The following CEMIP2 variants were observed in gnomAD, a reference collection of about 807,000 sequenced individuals.
CEMIP2 encodes cell migration inducing hyaluronidase 2, also known as cell surface hyaluronidase CEMIP2.
In CEMIP2, 79 loss-of-function variants were observed where a neutral mutation model predicts 146.9. The ratio of observed to expected loss-of-function variants is 0.54; its 90% CI spans 0.45 to 0.65. CEMIP2 has a LOEUF of 0.65. CEMIP2 is among the 30% of genes least tolerant of loss of function. CEMIP2 has a pLI of 0.00. For synonymous variants in CEMIP2, 601 were observed against 606.3 expected (o/e 0.99, Z 0.13); for missense variants, 1,596 against 1,696.2 (o/e 0.94, Z 1.04).
chr9:71,767,719 C>G (rs1824838960), intron 1 of CEMIP2, among the ~76,000 whole-genome samples: 1 of 152,202 alleles, frequency 6.6e-6, no homozygotes. Context: ...CAGAGAAAAG[C>G]TGGGAATAGG....
chr9:71,702,966 A>C (rs1822616551), intron 18 of CEMIP2, among the ~76,000 whole-genome samples: 1 of 152,238 alleles, frequency 6.6e-6, no homozygotes, highest in Admixed American at 6.5e-5. Flanking sequence ...TATAACTTAT[A>C]GAGTACTGAT....
intron 20 of CEMIP2, among the ~76,000 whole-genome samples, chr9:71,695,872 T>C (rs955837063): frequency 4.6e-5 from 7 of 151,998 alleles, no homozygotes; most frequent in Non-Finnish European, 8.8e-5. Context: ...TCCCAACAAT[T>C]TGGGAGGCCA....
rs1034522329 is a variant in CEMIP2 at position 71,746,485 on chromosome 9, G to A, written c.332-144C>T. 44 of 898,790 alleles carry A rather than the reference G, an allele frequency of 4.9e-5. 1 individual carries two copies. Among genetic ancestry groups the A allele is most frequent in the South Asian group, 1.2e-4 (7 of 57,150 alleles). The allele number at this position is 898,790 out of a possible 1,614,324, so 55.7% of individuals were successfully genotyped here. Reference sequence around the variant, plus strand: ...CCTGCCATTAGAATGGAAATCCCACGCCTTCCCACCAGCAGAGAACCATCT... The same window carrying A: ...CCTGCCATTAGAATGGAAATCCCACACCTTCCCACCAGCAGAGAACCATCT... On this transcript the variant is annotated intron_variant, in intron 2 of 23. Coordinates refer to ENST00000377044, the MANE Select transcript of CEMIP2 (RefSeq NM_013390.3).
intron 21 of CEMIP2, among the ~76,000 whole-genome samples, chr9:71,691,283 G>T (rs745573466): frequency 2.0e-5 from 3 of 150,000 alleles, no homozygotes; most frequent in Non-Finnish European, 4.4e-5. Flanking sequence ...CACCGGGCGT[G>T]GTGGTGCATG....
At position 71,750,139 on chromosome 9, in the gene CEMIP2, G is replaced by T. The variant is rs371382907; in HGVS notation, c.235C>A (p.His79Asn). The T allele has an allele frequency of 1.1e-5, 17 of 1,613,688 alleles. No individual in the cohort carries two copies. Among genetic ancestry groups the T allele is most frequent in the Non-Finnish European group, 1.4e-5 (17 of 1,179,958 alleles). Reference sequence around the variant, plus strand: ...GCAAAACAAATGAAAGTATTTTTGTGTCTCTTTTGCTTTTGACTTTCTCTC... The same window carrying T: ...GCAAAACAAATGAAAGTATTTTTGTTTCTCTTTTGCTTTTGACTTTCTCTC... ...AQRESQKQKR[H>N]KNTFICFAIT... is the part of the protein sequence containing the mutation. The change falls in exon 2 of 24, where the codon CAC (histidine) becomes AAC (asparagine). Residue 79 changes from histidine (H) to asparagine (N), a missense_variant. Coordinates refer to ENST00000377044, the MANE Select transcript of CEMIP2 (RefSeq NM_013390.3).
In CEMIP2 at chr9:71,712,259, T is replaced by G. The variant is rs1438875590; in HGVS notation, c.2593A>C (p.Thr865Pro). Residue 865 changes from threonine (T) to proline (P), a missense_variant and splice_region_variant, in exon 16 of 24, where the codon ACG (threonine) becomes CCG (proline). Physicochemically the swap from Thr to Pro is conservative, Grantham distance 38. Coordinates refer to ENST00000377044, the MANE Select transcript of CEMIP2 (RefSeq NM_013390.3). ...QKPRTLPRNR[T>P]FPIRGFQIYD... ...ATCTGAAAGCCTCTAATTGGGAACGTCCTGTGGAAATACAAGATTTTGTTT... is the reference window on the plus strand; with the variant it reads ...ATCTGAAAGCCTCTAATTGGGAACGGCCTGTGGAAATACAAGATTTTGTTT... The G allele has an allele frequency of 6.2e-7, 1 of 1,613,522 alleles. No homozygotes were observed.
chr9:71,707,733 G>A (rs1032392398), intron 17 of CEMIP2, among the ~76,000 whole-genome samples: 1 of 152,192 alleles, frequency 6.6e-6, no homozygotes, highest in African/African-American at 2.4e-5. Flanking sequence ...AAGAGCCCAT[G>A]CTACGAAAAG....
intron 1 of CEMIP2, among the ~76,000 whole-genome samples, chr9:71,762,503 C>CAAAGA (rs1824664658): frequency 1.3e-5 from 1 of 79,734 alleles, no homozygotes; most frequent in South Asian, 3.9e-4. Context: ...GCCCCGTCAC[C>CAAAGA]AAAAAAAAAA....
At position 71,734,812 on chromosome 9, in the gene CEMIP2, CT is replaced by C; in HGVS notation, c.1386del (p.Val463SerfsTer14). ...ACTCTAAGCAGTTTAATACCTTTGA[CT>C]TTGACCTGAAAATGGCTGCATTCAG... ...PCSECSHFQVKVKETPQFLHM... is the reference protein window; with the variant it reads ...PCSECSHFQVXVKETPQFLHM... On this transcript the variant is annotated frameshift_variant, in exon 6 of 24. Transcript: ENST00000377044. LOFTEE classifies it high-confidence loss of function. 1.9e-6 allele frequency: 3 copies of C among 1,606,290 alleles called. No homozygotes were observed. In the Admixed American group the frequency reaches 5.1e-5, roughly 27 times the overall value.
intron 12 of CEMIP2, 23 bp downstream of exon 12, chr9:71,722,404 T>C (rs752610891): frequency 1.9e-6 from 3 of 1,591,960 alleles, no homozygotes; most frequent in Non-Finnish European, 8.6e-7. Context: ...AGCTTGAGTG[T>C]GACTTAAAAG....
intron 16 of CEMIP2, 60 bp from the exon 17 acceptor site, chr9:71,709,534 C>G: frequency 1.4e-6 from 2 of 1,387,210 alleles, no homozygotes; most frequent in Non-Finnish European, 2.0e-6. Context: ...CTCAGCATCC[C>G]CTGCAATGAC....
intron 3 of CEMIP2, 46 bp downstream of exon 3, chr9:71,746,155 T>A: frequency 6.3e-7 from 1 of 1,591,194 alleles, no homozygotes; most frequent in East Asian, 2.3e-5. Flanking sequence ...ATCCCCCACA[T>A]TAAAGAGCAA....
At chr9:71,700,194 A>G (rs1651990719) in intron 19 of CEMIP2, among the ~76,000 whole-genome samples, 1 of 152,224 alleles carries the variant, frequency 6.6e-6, no homozygotes, top group African/African-American at 2.4e-5. Context: ...GATGCAGCCT[A>G]GAGAAAGTTG....
intron 16 of CEMIP2, among the ~76,000 whole-genome samples, chr9:71,711,521 G>A (rs1270686915): frequency 6.6e-6 from 1 of 151,984 alleles, no homozygotes; most frequent in African/African-American, 2.4e-5. Flanking sequence ...TGAAGCTGCA[G>A]TGAGCCATGA....
chr9:71,691,361 T>C (rs1235278061), intron 21 of CEMIP2, among the ~76,000 whole-genome samples: 1 of 147,510 alleles, frequency 6.8e-6, no homozygotes, highest in Non-Finnish European at 1.5e-5. Context: ...GAGGCTGCAG[T>C]GAGCGGAGAT....
At chr9:71,715,773 C>T in intron 14 of CEMIP2, among the ~76,000 whole-genome samples, 1 of 151,174 alleles carries the variant, frequency 6.6e-6, no homozygotes, top group South Asian at 2.1e-4. Flanking sequence ...AGGCATGCCA[C>T]TATGCCTGGT....
chr9:71,746,292 TTG>T lies in CEMIP2; in HGVS notation c.379_380del (p.Gln127ArgfsTer39), dbSNP rs753713037. 27 of 1,614,008 alleles carry T rather than the reference TTG, an allele frequency of 1.7e-5. No homozygotes were observed. Among genetic ancestry groups the T allele is most frequent in the Non-Finnish European group, 2.2e-5 (26 of 1,179,894 alleles). ...TGATAACAACTTGCTTTGCAGAATC[TTG>T]TCCTGGATCCCAATTCCTGAGACGA... ...NPRLRNWDPG[Q>X]DSAKQVVIKE... On this transcript the variant is annotated frameshift_variant, in exon 3 of 24. Coordinates refer to ENST00000377044, the MANE Select transcript of CEMIP2 (RefSeq NM_013390.3). LOFTEE classifies it high-confidence loss of function.
chr9:71,760,914 T>G, intron 1 of CEMIP2, among the ~76,000 whole-genome samples: 1 of 152,348 alleles, frequency 6.6e-6, no homozygotes, highest in South Asian at 2.1e-4. Context: ...CTATTAATAT[T>G]TCTCATATTT....
At chr9:71,686,472 A>C (rs1822063805) in intron 22 of CEMIP2, 1 of 152,408 alleles carries the variant, frequency 6.6e-6, no homozygotes, top group South Asian at 2.1e-4. Flanking sequence ...TGTAATAATA[A>C]TAGAAAAAAA....
Sources: allele counts gnomAD v4.1 joint callset (sites outside exome capture counted in the v4.1 genomes callset), GRCh38; gene constraint gnomAD v4.1.1; transcripts MANE v1.5; gene names NCBI Gene and HGNC (gene_info 2026-07-23, HGNC 2026-07-21).